Variants in KLHL29 observed in about 807,000 individuals in gnomAD.
KLHL29 encodes kelch-like protein 29.
A neutral mutation model predicts 80.4 loss-of-function variants in KLHL29; 21 were observed. That is an observed-to-expected ratio of 0.26 (90% CI 0.19 to 0.38). The LOEUF is 0.38. Among genes scored for constraint, KLHL29 ranks in the 10% least tolerant of loss-of-function variants. The pLI, the probability that KLHL29 is intolerant of heterozygous loss-of-function variation, is 1.00. For missense variants in KLHL29, 867 were observed against 1,223.9 expected (o/e 0.71, Z 4.35); for synonymous variants, 511 against 526.8 (o/e 0.97, Z 0.41).
intron 2 of KLHL29, among the ~76,000 whole-genome samples, chr2:23,521,001 C>G (rs367902273): frequency 1.3e-4 from 20 of 152,078 alleles, no homozygotes; most frequent in Non-Finnish European, 1.6e-4. Flanking sequence ...CACCCCCCCC[C>G]CCGCTCCCCC....
At position 23,462,668 on chromosome 2, in the gene KLHL29, G is replaced by A. The variant is rs537672521; in HGVS notation, c.-153-12892G>A. ...GATAAGGACTGCCCATCAGTGCTAA[G>A]AAATTAATCTTATGCCCAAACATAA... is the stretch of plus-strand genomic sequence containing the variant. On this transcript the variant is annotated intron_variant, in intron 1 of 13. Transcript: ENST00000486442. 1.4e-4 allele frequency among the ~76,000 whole-genome samples: 22 copies of A among 152,324 alleles called. No homozygotes were observed. In the East Asian group the frequency reaches 4.0e-3, roughly 28 times the overall value.
chr2:23,701,361 C>T (rs1410605092), intron 11 of KLHL29, among the ~76,000 whole-genome samples: 3 of 152,208 alleles, frequency 2.0e-5, no homozygotes, highest in Non-Finnish European at 4.4e-5. Flanking sequence ...ATACTCCATC[C>T]TGCAGACACA....
At chr2:23,506,296 A>T (rs1572363520) in intron 2 of KLHL29, among the ~76,000 whole-genome samples, 1 of 152,218 alleles carries the variant, frequency 6.6e-6, no homozygotes, top group Non-Finnish European at 1.5e-5. Context: ...AGGCACAGGA[A>T]GGCTTATGGC....
intron 3 of KLHL29, among the ~76,000 whole-genome samples, chr2:23,576,386 G>T (rs1667843510): frequency 6.6e-6 from 1 of 151,650 alleles, no homozygotes; most frequent in South Asian, 2.1e-4. Context: ...AGATGATATT[G>T]AGCAAAATAT....
chr2:23,648,345 C>T (rs912756771), intron 5 of KLHL29, among the ~76,000 whole-genome samples: 1 of 152,148 alleles, frequency 6.6e-6, no homozygotes, highest in Admixed American at 6.5e-5. Flanking sequence ...GCAGGAATCA[C>T]TATAAAACTG....
intron 1 of KLHL29, among the ~76,000 whole-genome samples, chr2:23,466,735 G>A (rs1389290384): frequency 6.6e-6 from 1 of 152,182 alleles, no homozygotes; most frequent in Non-Finnish European, 1.5e-5. Context: ...CATATAAAGA[G>A]TATGTATTAT....
chr2:23,497,023 G>A (rs1022422339), intron 2 of KLHL29, among the ~76,000 whole-genome samples: 1 of 151,182 alleles, frequency 6.6e-6, no homozygotes, highest in African/African-American at 2.4e-5. Flanking sequence ...TATTTGTTCT[G>A]CAACCATATA....
intron 1 of KLHL29, among the ~76,000 whole-genome samples, chr2:23,426,345 C>T (rs1010848395): frequency 5.3e-5 from 8 of 152,200 alleles, no homozygotes; most frequent in African/African-American, 1.9e-4. Context: ...GAATCATTGA[C>T]TCATGAGCTC....
chr2:23,411,581 T>G (rs937609803), intron 1 of KLHL29, among the ~76,000 whole-genome samples: 1 of 152,120 alleles, frequency 6.6e-6, no homozygotes, highest in East Asian at 1.9e-4. Flanking sequence ...CTGTTGTGTG[T>G]GTGCCGCAAG....
Position 23,696,246 on chromosome 2 carries a change from G to C in KLHL29, c.1925-87G>C. 1.3e-6 allele frequency: 2 copies of C among 1,490,922 alleles called. No individual in the cohort carries two copies. 92.4% of individuals were successfully genotyped at this position (1,490,922 alleles called of 1,614,324 possible). On this transcript the variant is annotated intron_variant, in intron 10 of 13. Transcript: ENST00000486442. The surrounding 1 kb of genome is among the most constrained non-coding windows in gnomAD (Gnocchi z 5.5). ...CAGAAGTGTCTACTTTGCAGGTGAA[G>C]CCTTCCTCTGCCCCTGGGGCTGGGC...
chr2:23,492,429 T>C (rs1665130300), intron 2 of KLHL29, among the ~76,000 whole-genome samples: 1 of 152,178 alleles, frequency 6.6e-6, no homozygotes, highest in African/African-American at 2.4e-5. Flanking sequence ...CCCCAGCCCT[T>C]GCTGTTTGAT....
intron 1 of KLHL29, 130 bp downstream of exon 1, chr2:23,385,910 T>TGCG (rs1666164322): frequency 7.4e-6 from 1 of 134,432 alleles, no homozygotes; most frequent in African/African-American, 2.6e-5. Context: ...TGGGCTCGGC[T>TGCG]TCGGCGGCGG....
chr2:23,582,146 C>T (rs1459591605), intron 3 of KLHL29, among the ~76,000 whole-genome samples: 1 of 152,178 alleles, frequency 6.6e-6, no homozygotes, highest in East Asian at 1.9e-4. Flanking sequence ...GTTTTCTCAT[C>T]AGGGCAGGCC....
At chr2:23,407,222 G>A (rs1666757823) in intron 1 of KLHL29, among the ~76,000 whole-genome samples, 1 of 152,168 alleles carries the variant, frequency 6.6e-6, no homozygotes, top group African/African-American at 2.4e-5. Flanking sequence ...GACATTTTGG[G>A]TTACTTCTTT....
intron 5 of KLHL29, chr2:23,643,345 A>G: frequency 1.1e-5 from 3 of 263,064 alleles, no homozygotes; most frequent in East Asian, 1.7e-4. Context: ...TGCCCAAGGC[A>G]ATTTAGTTAG....
chr2:23,703,852 C>A lies in KLHL29; in HGVS notation c.2433C>A (p.Arg811=), dbSNP rs1672547460. The change falls in exon 13 of 14, where the codon CGC becomes CGA. Residue 811 remains arginine, a synonymous_variant. Coordinates refer to ENST00000486442, the MANE Select transcript of KLHL29 (RefSeq NM_052920.2). ...IKAGPNMNHS[R]QFCSAVVLDG... ...CGGGCCCAAACATGAACCACTCTCG[C>A]CAGTTCTGCAGGTGAGAGGCTGCGG... is the stretch of plus-strand genomic sequence containing the variant. 6.5e-7 allele frequency: 1 copy of A among 1,536,676 alleles called. No homozygotes were observed. Among genetic ancestry groups the A allele is most frequent in the Non-Finnish European group, 8.7e-7 (1 of 1,146,584 alleles).
rs1290281893 is a variant in KLHL29 at position 23,457,429 on chromosome 2, G to A, written c.-153-18131G>A. ...TCCTTTGATTCTGATCCATTAAGTG[G>A]TTTTGGCATGGTTCTGGGGCCCTTC... is the stretch of plus-strand genomic sequence containing the variant. On this transcript the variant is annotated intron_variant, in intron 1 of 13. Transcript: ENST00000486442. This position sits in a 1 kb window ranked among gnomAD's most constrained non-coding sequence, Gnocchi z 4.3. 6.6e-6 allele frequency among the ~76,000 whole-genome samples: 1 copy of A among 152,126 alleles called. No homozygotes were observed. Among genetic ancestry groups the A allele is most frequent in the Admixed American group, 6.5e-5 (1 of 15,284 alleles).
Position 23,457,056 on chromosome 2 carries a change from G to T in KLHL29, c.-153-18504G>T. Among the ~76,000 whole-genome samples, 1 of 152,204 alleles carries T rather than the reference G, an allele frequency of 6.6e-6. No individual in the cohort carries two copies. The highest frequency in any genetic ancestry group is 1.9e-4 in the East Asian group (1 of 5,200). On this transcript the variant is annotated intron_variant, in intron 1 of 13. Transcript: ENST00000486442. The surrounding 1 kb of genome is among the most constrained non-coding windows in gnomAD (Gnocchi z 4.3). The stretch of plus-strand genomic sequence containing the variant: ...GCAGCAGAGGTCGAGGCCTTCCGAG[G>T]CCCCTCCCCAGGCATCTGCTGAGAC...
At position 23,562,360 on chromosome 2, in the gene KLHL29, C is replaced by T. The variant is rs754934673; in HGVS notation, c.164C>T (p.Pro55Leu). The T allele has an allele frequency of 1.9e-4, 288 of 1,542,336 alleles. No homozygotes were observed. The highest frequency in any genetic ancestry group is 2.8e-5 in the Non-Finnish European group (32 of 1,145,310). Residue 55 changes from proline to leucine, a missense_variant, in exon 3 of 14, where the codon CCG becomes CTG. This residue lies in a region of KLHL29 where 424 missense variants were observed against 456.9 expected (regional missense o/e 0.93). Coordinates refer to ENST00000486442, the MANE Select transcript of KLHL29 (RefSeq NM_052920.2). This position sits in a 1 kb window ranked among gnomAD's most constrained non-coding sequence, Gnocchi z 4.5. ...CTCAGCGTCCGGCCCGGCCTCCTGC[C>T]GCTGCCCGTGGTGCCCTCCCGGCTG... ...SSLSVRPGLL[P>L]LPVVPSRLPT...
Sources: allele counts gnomAD v4.1 joint callset (sites outside exome capture counted in the v4.1 genomes callset), GRCh38; gene constraint gnomAD v4.1.1; regional missense constraint gnomAD v4.1.1; non-coding constraint Gnocchi (gnomAD v3.1); transcripts MANE v1.5; gene names NCBI Gene and HGNC (gene_info 2026-07-23, HGNC 2026-07-21).